MALRD1: variants seen among roughly 807,000 people sequenced by gnomAD.
MALRD1 encodes the protein MAM and LDL-receptor class A domain-containing protein 1.
A neutral mutation model predicts 242.1 loss-of-function variants in MALRD1; 247 were observed. The ratio of observed to expected loss-of-function variants is 1.02; its 90% CI spans 0.92 to 1.13. MALRD1 has a LOEUF of 1.13. MALRD1 is among the 50% of genes most tolerant of loss of function. The pLI, the probability that MALRD1 is intolerant of heterozygous loss-of-function variation, is 0.00. For synonymous variants in MALRD1, 995 were observed against 866.6 expected (o/e 1.15, Z -2.60); for missense variants, 2,989 against 2,533.1 (o/e 1.18, Z -3.86).
intron 1 of MALRD1, among the ~76,000 whole-genome samples, chr10:19,056,574 A>T (rs993299689): frequency 6.6e-6 from 1 of 151,908 alleles, no homozygotes; most frequent in Non-Finnish European, 1.5e-5. Flanking sequence ...ATTAGTTTTA[A>T]CAGTTTTTTG....
chr10:19,274,522 A>G (rs570210836), intron 19 of MALRD1, among the ~76,000 whole-genome samples: 1 of 152,292 alleles, frequency 6.6e-6, no homozygotes, highest in South Asian at 2.1e-4. Flanking sequence ...GGATACAAGG[A>G]GAAAATGGCC....
At chr10:19,561,119 T>G in intron 32 of MALRD1, among the ~76,000 whole-genome samples, 1 of 152,132 alleles carries the variant, frequency 6.6e-6, no homozygotes, top group East Asian at 1.9e-4. Context: ...TAGTATAATA[T>G]CAAACAGGAT....
At chr10:19,680,175 T>G (rs1842309098) in intron 36 of MALRD1, among the ~76,000 whole-genome samples, 1 of 152,196 alleles carries the variant, frequency 6.6e-6, no homozygotes, top group South Asian at 2.1e-4. Flanking sequence ...AGAGCTAAGT[T>G]CAAGTCCTGA....
chr10:19,446,755 T>C (rs983487937), intron 28 of MALRD1, among the ~76,000 whole-genome samples: 2 of 152,214 alleles, frequency 1.3e-5, no homozygotes, highest in African/African-American at 4.8e-5. Flanking sequence ...TCAATATCTC[T>C]AACCATTTTT....
At position 19,243,056 on chromosome 10, in the gene MALRD1, C is replaced by T. The variant is rs1372142851; in HGVS notation, c.2992-14628C>T. On this transcript the variant is annotated intron_variant, in intron 18 of 39. Transcript: ENST00000454679. ...TTTTCTGTGGTGCTAAGCTTTGTTTCTTTTCCCTTTTTTTTTTTTGTGTGT... is the reference window on the plus strand; with the variant it reads ...TTTTCTGTGGTGCTAAGCTTTGTTTTTTTTCCCTTTTTTTTTTTTGTGTGT... Among the ~76,000 whole-genome samples the T allele has an allele frequency of 3.6e-5, 5 of 138,568 alleles. No individual in the cohort carries two copies. The East Asian group carries it at 8.3e-4, about 23-fold the overall frequency. The allele number at this position is 138,568 out of a possible 152,430, so 90.9% of individuals were successfully genotyped here.
intron 32 of MALRD1, among the ~76,000 whole-genome samples, chr10:19,560,354 G>A (rs1835907649): frequency 6.6e-6 from 1 of 152,178 alleles, no homozygotes; most frequent in Non-Finnish European, 1.5e-5. Context: ...TGTAGTCCCA[G>A]CTACTTGGGA....
intron 18 of MALRD1, among the ~76,000 whole-genome samples, chr10:19,215,207 T>C (rs1186550836): frequency 6.6e-6 from 1 of 152,214 alleles, no homozygotes; most frequent in African/African-American, 2.4e-5. Context: ...ACCCTAGTTC[T>C]TTAAAATTTC....
intron 29 of MALRD1, among the ~76,000 whole-genome samples, chr10:19,454,328 C>G (rs181010082): frequency 9.5e-4 from 140 of 147,730 alleles, no homozygotes; most frequent in Non-Finnish European, 1.5e-3. Context: ...AAAGAGTCAA[C>G]AGATATTCCC....
chr10:19,407,854 T>G (rs1833104834), intron 28 of MALRD1, among the ~76,000 whole-genome samples: 1 of 152,212 alleles, frequency 6.6e-6, no homozygotes, highest in African/African-American at 2.4e-5. Flanking sequence ...TTGTATGTTC[T>G]TTAGAAGAAA....
chr10:19,651,287 G>T (rs1840874565), intron 36 of MALRD1, among the ~76,000 whole-genome samples: 1 of 152,134 alleles, frequency 6.6e-6, no homozygotes, highest in Admixed American at 6.5e-5. Context: ...ATGTTGGGAT[G>T]TGCTATGGTG....
In MALRD1 at chr10:19,198,454, G is replaced by C. The variant is rs145400895; in HGVS notation, c.1952-5274G>C. On this transcript the variant is annotated intron_variant, in intron 14 of 39. Transcript: ENST00000454679. ...TTTATGATGGGCTGCAAATAAACTT[G>C]TCTGACCTTTTCTTTAGAAGGAGAC... 1.8e-3 allele frequency among the ~76,000 whole-genome samples: 275 copies of C among 152,288 alleles called. 2 individuals are homozygous for C. The highest frequency in any genetic ancestry group is 6.5e-3 in the African/African-American group (269 of 41,564).
chr10:19,051,702 A>C (rs543607147), intron 1 of MALRD1: 1 of 153,826 alleles, frequency 6.5e-6, no homozygotes, highest in Non-Finnish European at 1.4e-5. Flanking sequence ...AGGTGGGTGG[A>C]TCACGAGGTC....
At chr10:19,697,934 TC>T in intron 38 of MALRD1, among the ~76,000 whole-genome samples, 1 of 152,150 alleles carries the variant, frequency 6.6e-6, no homozygotes, top group Non-Finnish European at 1.5e-5. Flanking sequence ...AGGGTTTGCC[TC>T]TCCATCCACT....
At chr10:19,155,193 T>C (rs1834096347) in intron 12 of MALRD1, 21 bp downstream of exon 12, 8 of 1,209,360 alleles carry the variant, frequency 6.6e-6, no homozygotes, top group Non-Finnish European at 8.3e-6. Flanking sequence ...GTTCTGAATT[T>C]CCACTGGCCA....
chr10:19,476,937 A>AT (rs72513835), intron 29 of MALRD1, among the ~76,000 whole-genome samples: 4 of 151,436 alleles, frequency 2.6e-5, no homozygotes, highest in Non-Finnish European at 4.4e-5. Context: ...AATTAAAAAA[A>AT]ATATTTTCTA....
chr10:19,194,528 C>A (rs923955381), intron 14 of MALRD1, among the ~76,000 whole-genome samples: 1 of 152,074 alleles, frequency 6.6e-6, no homozygotes, highest in Admixed American at 6.6e-5. Flanking sequence ...TATTACCATA[C>A]ACGAGCTGTC....
At chr10:19,192,035 TA>T (rs976418338) in intron 14 of MALRD1, among the ~76,000 whole-genome samples, 9 of 144,084 alleles carry the variant, frequency 6.2e-5, no homozygotes, top group South Asian at 2.2e-4. Context: ...ATAAATAAAA[TA>T]AAAAAAAAAC....
rs142740584 is a variant in MALRD1 at position 19,367,302 on chromosome 10, C to A, written c.4441+15005C>A. ...TTCCAAGCCTCTAGTATCCTCTGTT[C>A]TACTGTTTACTTCTAGGCGATCAAC... On this transcript the variant is annotated intron_variant, in intron 26 of 39. Transcript: ENST00000454679. 2.8e-3 allele frequency among the ~76,000 whole-genome samples: 421 copies of A among 152,132 alleles called. 4 individuals carry two copies. Among genetic ancestry groups the A allele is most frequent in the African/African-American group, 9.8e-3 (406 of 41,522 alleles).
intron 12 of MALRD1, among the ~76,000 whole-genome samples, chr10:19,160,862 T>C (rs1466736489): frequency 1.5e-5 from 2 of 135,770 alleles, no homozygotes; most frequent in African/African-American, 5.5e-5. Context: ...TTTTTTTCTT[T>C]ATTAGTCTTG....
Sources: allele counts gnomAD v4.1 joint callset (sites outside exome capture counted in the v4.1 genomes callset), GRCh38; gene constraint gnomAD v4.1.1; transcripts MANE v1.5; gene names NCBI Gene and HGNC (gene_info 2026-07-23, HGNC 2026-07-21).